PJA2: variants seen among roughly 807,000 people sequenced by gnomAD.
The protein encoded by PJA2 is praja ring finger ubiquitin ligase 2.
Under a neutral mutation model 69.3 loss-of-function variants are expected in PJA2, and 25 were observed. The ratio of observed to expected loss-of-function variants is 0.36; its 90% CI spans 0.26 to 0.50. PJA2 has a LOEUF of 0.50. PJA2 is among the 20% of genes least tolerant of loss of function. The pLI is 0.96. For synonymous variants in PJA2, 308 were observed against 277.8 expected, an observed-to-expected ratio of 1.11 and a Z score of -1.08; for missense variants, 809 against 830.2, an observed-to-expected ratio of 0.97 and a Z score of 0.31.
At position 109,404,461 on chromosome 5, in the gene PJA2, C is replaced by T. The variant is rs544192449; in HGVS notation, c.-88+5381G>A. Among the ~76,000 whole-genome samples, 246 of 151,574 alleles carry T rather than the reference C, an allele frequency of 1.6e-3. 1 individual carries two copies. Among genetic ancestry groups the T allele is most frequent in the African/African-American group, 5.5e-3 (228 of 41,270 alleles). The stretch of plus-strand genomic sequence containing the variant: ...TGAGCCTGGGAGACCGAGGTTGCAG[C>T]GAGCTGAGACTGCCACTGCACTCCA... On this transcript the variant is annotated intron_variant, in intron 1 of 9. Transcript: ENST00000361189.
chr5:109,361,717 T>C (rs1582599660), intron 6 of PJA2, among the ~76,000 whole-genome samples: 1 of 152,340 alleles, frequency 6.6e-6, no homozygotes, highest in East Asian at 1.9e-4. Flanking sequence ...AAATGTGTTT[T>C]AGAGTATGAG....
rs774280253 is a variant in PJA2 at position 109,379,130 on chromosome 5, A to C, written c.357T>G (p.Phe119Leu). The part of the protein sequence containing the change: ...LNQTTESSQS[F>L]VAVHHSEEGR... ...CTTCCTCACTGTGATGTACTGCAAC[A>C]AAGGATTGACTGCTCTCAGTGGTTT... The change falls in exon 4 of 10, where the codon TTT (phenylalanine) becomes TTG (leucine). Residue 119 changes from phenylalanine (F) to leucine (L), a missense_variant. Physicochemically the swap from Phe to Leu is conservative, Grantham distance 22. Transcript: ENST00000361189. The C allele has an allele frequency of 2.5e-6, 4 of 1,614,018 alleles. No homozygotes were observed. The African/African-American group carries it at 5.3e-5, about 22-fold the overall frequency.
At chr5:109,392,955 G>T (rs1397795850) in intron 1 of PJA2, among the ~76,000 whole-genome samples, 2 of 151,918 alleles carry the variant, frequency 1.3e-5, no homozygotes, top group Non-Finnish European at 2.9e-5. Context: ...TTTTTTTAAA[G>T]CAGGCAACAA....
chr5:109,395,428 T>C (rs1457967231), intron 1 of PJA2, among the ~76,000 whole-genome samples: 1 of 151,932 alleles, frequency 6.6e-6, no homozygotes, highest in Non-Finnish European at 1.5e-5. Flanking sequence ...CATGCGAGGC[T>C]GAGGTGGGAG....
intron 1 of PJA2, among the ~76,000 whole-genome samples, chr5:109,385,550 C>CA (rs768277153): frequency 1.2e-4 from 19 of 152,134 alleles, no homozygotes; most frequent in Non-Finnish European, 2.2e-4. Context: ...ATCTATTAGA[C>CA]ATTCAAATGG....
chr5:109,365,266 C>T (rs1435650089), intron 5 of PJA2, among the ~76,000 whole-genome samples: 4 of 152,128 alleles, frequency 2.6e-5, no homozygotes, highest in East Asian at 1.9e-4. Flanking sequence ...TAACTTTATA[C>T]GAGCTTCTTA....
At chr5:109,351,938 A>T (rs1472012581) in intron 7 of PJA2, among the ~76,000 whole-genome samples, 1 of 152,212 alleles carries the variant, frequency 6.6e-6, no homozygotes, top group African/African-American at 2.4e-5. Context: ...CATACTGAAC[A>T]CAGAAAAACA....
intron 9 of PJA2, among the ~76,000 whole-genome samples, chr5:109,339,028 T>C (rs540039192): frequency 3.3e-5 from 5 of 152,262 alleles, no homozygotes; most frequent in East Asian, 1.9e-4. Context: ...ATCTTACAGA[T>C]GGTATAGGGA....
At chr5:109,387,318 T>A (rs1298185090) in intron 1 of PJA2, among the ~76,000 whole-genome samples, 1 of 151,882 alleles carries the variant, frequency 6.6e-6, no homozygotes, top group Admixed American at 6.6e-5. Context: ...CCACTTTCTA[T>A]CTCTAAGTAT....
At chr5:109,383,306 AC>A (rs1747091676) in intron 2 of PJA2, 96 bp downstream of exon 2, 2 of 1,055,248 alleles carry the variant, frequency 1.9e-6, no homozygotes, top group African/African-American at 3.2e-5. Flanking sequence ...TTTTAGTAAG[AC>A]CACAGGTCAG....
intron 9 of PJA2, among the ~76,000 whole-genome samples, chr5:109,340,290 T>C (rs545364121): frequency 2.0e-5 from 3 of 152,150 alleles, no homozygotes; most frequent in Non-Finnish European, 4.4e-5. Flanking sequence ...AAAAGAACAG[T>C]GAACATTTCT....
intron 3 of PJA2, among the ~76,000 whole-genome samples, chr5:109,381,018 G>A (rs1031450955): frequency 6.6e-6 from 1 of 151,778 alleles, no homozygotes; most frequent in African/African-American, 2.4e-5. Flanking sequence ...AGGAGGCTGA[G>A]GCACAAGAAT....
At chr5:109,337,583 G>A (rs776568904) in intron 9 of PJA2, among the ~76,000 whole-genome samples, 2 of 151,960 alleles carry the variant, frequency 1.3e-5, no homozygotes, top group African/African-American at 2.4e-5. Context: ...ATTCATGTTC[G>A]TATCTTTAAG....
At chr5:109,355,849 C>A in intron 7 of PJA2, 66 bp downstream of exon 7, 2 of 1,112,586 alleles carry the variant, frequency 1.8e-6, no homozygotes, top group East Asian at 2.4e-5. Context: ...GTCTAAAAAT[C>A]CCTTTAAACC....
chr5:109,346,428 A>C (rs1342894044), intron 7 of PJA2, among the ~76,000 whole-genome samples: 1 of 152,252 alleles, frequency 6.6e-6, no homozygotes, highest in East Asian at 1.9e-4. Context: ...AAGAACTGAA[A>C]ACAGGGACTA....
chr5:109,370,067 A>G (rs1166341835), intron 4 of PJA2, among the ~76,000 whole-genome samples: 7 of 151,656 alleles, frequency 4.6e-5, no homozygotes, highest in Admixed American at 1.3e-4. Flanking sequence ...CAGCACAGAA[A>G]ATTACTTTTG....
At chr5:109,361,076 C>T (rs1010402564) in intron 6 of PJA2, among the ~76,000 whole-genome samples, 1 of 151,786 alleles carries the variant, frequency 6.6e-6, no homozygotes, top group Admixed American at 6.6e-5. Context: ...TGCAGTGAGC[C>T]GAGATCACAC....
intron 1 of PJA2, among the ~76,000 whole-genome samples, chr5:109,406,040 ATT>A (rs35924063): frequency 0.012 from 1,286 of 103,468 alleles, 5 homozygotes; most frequent in African/African-American, 0.033. Context: ...AGACAAACCC[ATT>A]TTTTTTTTTT....
At chr5:109,364,152 A>C (rs1762542325) in intron 5 of PJA2, among the ~76,000 whole-genome samples, 7 of 152,028 alleles carry the variant, frequency 4.6e-5, no homozygotes, top group Admixed American at 4.6e-4. Context: ...CAAAAAACAA[A>C]AACAAAAAAG....
Sources: allele counts gnomAD v4.1 joint callset (sites outside exome capture counted in the v4.1 genomes callset), GRCh38; gene constraint gnomAD v4.1.1; transcripts MANE v1.5; gene names NCBI Gene and HGNC (gene_info 2026-07-23, HGNC 2026-07-21).